PDE4D: variants seen among roughly 807,000 people sequenced by gnomAD.
PDE4D encodes phosphodiesterase 4D.
In PDE4D, 24 loss-of-function variants were observed where a neutral mutation model predicts 87.4. The ratio of observed to expected loss-of-function variants is 0.27; its 90% CI spans 0.20 to 0.39. The LOEUF (loss-of-function observed/expected upper bound fraction) is 0.39, where lower values mean the gene tolerates loss of function less well. Among genes scored for constraint, PDE4D ranks in the 10% least tolerant of loss-of-function variants. The probability of loss-of-function intolerance (pLI) is 1.00; values close to 1 mark genes in which losing one functional copy is unlikely to be tolerated. For missense variants in PDE4D, 714 were observed against 1,041.0 expected (o/e 0.69, Z 4.32); for synonymous variants, 384 against 383.2 (o/e 1.00, Z -0.02).
intron 5 of PDE4D, chr5:59,039,535 T>G: frequency 5.1e-6 from 5 of 985,410 alleles, no homozygotes; most frequent in Middle Eastern, 5.2e-4. Flanking sequence ...CTTTCTCAAC[T>G]CCTCGGGCGG....
intron 1 of PDE4D, among the ~76,000 whole-genome samples, chr5:59,568,414 C>A (rs1056556615): frequency 6.6e-6 from 1 of 152,102 alleles, no homozygotes; most frequent in Non-Finnish European, 1.5e-5. Context: ...TATGTAGATT[C>A]TCTGCCTTCA....
At chr5:59,661,827 G>T (rs868453717) in intron 1 of PDE4D, among the ~76,000 whole-genome samples, 1 of 152,206 alleles carries the variant, frequency 6.6e-6, no homozygotes, top group Non-Finnish European at 1.5e-5. Flanking sequence ...TGTAGGCCAG[G>T]ATAAAGCTGT....
chr5:60,141,429 A>T (rs980936793), intron 2 of PDE4D, among the ~76,000 whole-genome samples: 10 of 152,184 alleles, frequency 6.6e-5, no homozygotes, highest in Admixed American at 5.9e-4. Context: ...GTAAGAAAAC[A>T]TGGAAAATAT....
intron 1 of PDE4D, among the ~76,000 whole-genome samples, chr5:59,269,382 T>C (rs1377716241): frequency 2.0e-5 from 3 of 152,124 alleles, no homozygotes; most frequent in Non-Finnish European, 2.9e-5. Context: ...ATAAAATGAA[T>C]AGATCTTAAC....
At chr5:60,369,240 G>A (rs2149978456) in intron 1 of PDE4D, among the ~76,000 whole-genome samples, 1 of 151,898 alleles carries the variant, frequency 6.6e-6, no homozygotes, top group Non-Finnish European at 1.5e-5. Context: ...CTCCTTGTTT[G>A]AAGCCACCAG....
intron 1 of PDE4D, among the ~76,000 whole-genome samples, chr5:59,877,117 T>C (rs1226101511): frequency 1.3e-5 from 2 of 152,160 alleles, no homozygotes; most frequent in Admixed American, 6.5e-5. Context: ...AATTAAAGAA[T>C]TATTCTTGTC....
At chr5:59,433,810 T>A (rs1400918896) in intron 1 of PDE4D, among the ~76,000 whole-genome samples, 1 of 152,048 alleles carries the variant, frequency 6.6e-6, no homozygotes, top group East Asian at 1.9e-4. Context: ...ATCTGGAACA[T>A]CAATTTTCAT....
chr5:59,174,750 T>G (rs922435), intron 5 of PDE4D, among the ~76,000 whole-genome samples: 135,112 of 152,074 alleles, frequency 0.89, 60,421 homozygotes, highest in African/African-American at 0.95. Context: ...AATCTAATGG[T>G]TTATTTTACT....
At chr5:59,882,244 G>A (rs778444796) in intron 1 of PDE4D, among the ~76,000 whole-genome samples, 7 of 152,112 alleles carry the variant, frequency 4.6e-5, no homozygotes, top group South Asian at 2.1e-4. Context: ...AGCAGCTGCC[G>A]TGATGAGTAA....
At chr5:60,207,102 T>G (rs913550619) in intron 1 of PDE4D, among the ~76,000 whole-genome samples, 3 of 152,012 alleles carry the variant, frequency 2.0e-5, no homozygotes, top group African/African-American at 4.8e-5. Flanking sequence ...AAGAATGACA[T>G]TCATGCCTGA....
At chr5:60,066,591 T>TCA (rs1772119085) in intron 2 of PDE4D, among the ~76,000 whole-genome samples, 1 of 81,108 alleles carries the variant, frequency 1.2e-5, no homozygotes, top group African/African-American at 6.3e-5. Context: ...CTAAAGCAAA[T>TCA]TATCATCATC....
At chr5:60,047,758 A>G (rs1203261093) in intron 2 of PDE4D, among the ~76,000 whole-genome samples, 8 of 151,958 alleles carry the variant, frequency 5.3e-5, no homozygotes, top group African/African-American at 1.5e-4. Context: ...TCTGTTTTAC[A>G]TTTGCTGAGG....
intron 2 of PDE4D, among the ~76,000 whole-genome samples, chr5:60,035,555 A>C (rs1441850034): frequency 6.6e-6 from 1 of 152,164 alleles, no homozygotes. Context: ...CTTATTTAAA[A>C]ATCTAAAATA....
At chr5:59,692,016 C>T (rs112646864) in intron 1 of PDE4D, among the ~76,000 whole-genome samples, 1 of 151,974 alleles carries the variant, frequency 6.6e-6, no homozygotes, top group Non-Finnish European at 1.5e-5. Context: ...TAGATATTTA[C>T]GTTTCTTGTT....
chr5:60,516,670 C>T (rs1257257753), intron 1 of PDE4D, among the ~76,000 whole-genome samples: 1 of 152,204 alleles, frequency 6.6e-6, no homozygotes, highest in African/African-American at 2.4e-5. Context: ...ATGATACCAA[C>T]AATAATGAGA....
chr5:60,410,656 C>CA (rs1741970176), intron 1 of PDE4D, among the ~76,000 whole-genome samples: 1 of 152,168 alleles, frequency 6.6e-6, no homozygotes, highest in Non-Finnish European at 1.5e-5. Flanking sequence ...AGCAACCACA[C>CA]AAAGCAGACA....
chr5:59,874,914 T>G (rs1385928603), intron 1 of PDE4D, among the ~76,000 whole-genome samples: 1 of 152,186 alleles, frequency 6.6e-6, no homozygotes, highest in African/African-American at 2.4e-5. Context: ...AGAAATTCTG[T>G]GGGGCAGAGG....
At chr5:60,367,184 C>T (rs1007541778) in intron 1 of PDE4D, among the ~76,000 whole-genome samples, 4 of 152,112 alleles carry the variant, frequency 2.6e-5, no homozygotes, top group African/African-American at 7.2e-5. Flanking sequence ...CATGGTGGCT[C>T]ATGCCTGTAA....
intron 1 of PDE4D, among the ~76,000 whole-genome samples, chr5:60,449,927 G>T (rs1745961873): frequency 1.3e-5 from 2 of 150,906 alleles, no homozygotes; most frequent in Non-Finnish European, 3.0e-5. Flanking sequence ...TCATATGTGG[G>T]AGTTTGAGGG....
Sources: allele counts gnomAD v4.1 joint callset (sites outside exome capture counted in the v4.1 genomes callset), GRCh38; gene constraint gnomAD v4.1.1; transcripts MANE v1.5; gene names NCBI Gene and HGNC (gene_info 2026-07-23, HGNC 2026-07-21).